The following SLC9A9 variants were observed in gnomAD, a reference collection of about 807,000 sequenced individuals.
SLC9A9 encodes the protein sodium/hydrogen exchanger 9.
SLC9A9 carries 62 observed loss-of-function variants against 77.8 expected under a neutral mutation model. That is an observed-to-expected ratio of 0.80 (90% CI 0.65 to 0.98). The LOEUF (loss-of-function observed/expected upper bound fraction) is 0.98. Ranked by LOEUF, SLC9A9 falls within the 50% of genes least tolerant of loss-of-function variation. SLC9A9 has a pLI of 0.00. For missense variants in SLC9A9, 775 were observed against 774.9 expected (o/e 1.00, Z 0.00); for synonymous variants, 320 against 283.5 (o/e 1.13, Z -1.29).
chr3:143,795,012 G>GGGTATGA lies in SLC9A9; in HGVS notation c.521_522insTCATACC (p.Ile175HisfsTer31). On this transcript the variant is annotated frameshift_variant, in exon 4 of 16. Transcript: ENST00000316549. LOFTEE classifies it high-confidence loss of function. ...CGAATGTCACTTACCCTATGACGAT[G>GGGTATGA]CAGGAGATGGCAGTTCCCAAGAAGG... 6.2e-7 allele frequency: 1 copy of GGGTATGA among 1,613,926 alleles called. No individual in the cohort carries two copies.
At chr3:143,511,980 A>G (rs2036123357) in intron 9 of SLC9A9, among the ~76,000 whole-genome samples, 1 of 152,208 alleles carries the variant, frequency 6.6e-6, no homozygotes, top group African/African-American at 2.4e-5. Flanking sequence ...GAATACTCCA[A>G]AAAAAGGGTA....
At chr3:143,478,909 T>A (rs1434587287) in intron 11 of SLC9A9, among the ~76,000 whole-genome samples, 1 of 152,220 alleles carries the variant, frequency 6.6e-6, no homozygotes, top group African/African-American at 2.4e-5. Context: ...GTGGACATGT[T>A]AATTTGGTTA....
chr3:143,501,650 T>C (rs2035925488), intron 9 of SLC9A9, among the ~76,000 whole-genome samples: 1 of 151,012 alleles, frequency 6.6e-6, no homozygotes, highest in South Asian at 2.1e-4. Context: ...TCACTTATTT[T>C]CAATTGTAGA....
chr3:143,819,396 C>G (rs2009110802), intron 2 of SLC9A9, among the ~76,000 whole-genome samples: 1 of 152,210 alleles, frequency 6.6e-6, no homozygotes, highest in East Asian at 1.9e-4. Context: ...AAAACATCTA[C>G]ATAATTCTAA....
intron 4 of SLC9A9, among the ~76,000 whole-genome samples, chr3:143,746,155 G>A (rs1935192050): frequency 6.6e-6 from 1 of 152,214 alleles, no homozygotes; most frequent in African/African-American, 2.4e-5. Context: ...AAAACAACTG[G>A]AGGCAGAGAA....
intron 6 of SLC9A9, among the ~76,000 whole-genome samples, chr3:143,603,457 C>T (rs549880502): frequency 6.6e-6 from 1 of 152,210 alleles, no homozygotes; most frequent in African/African-American, 2.4e-5. Context: ...TTTTGTTGCT[C>T]TTTCATTCTC....
chr3:143,328,809 A>AG (rs2108452357), intron 14 of SLC9A9, among the ~76,000 whole-genome samples: 1 of 152,320 alleles, frequency 6.6e-6, no homozygotes, highest in Admixed American at 6.5e-5. Flanking sequence ...TATGGACCCC[A>AG]GGGGTTGTAT....
chr3:143,534,372 A>T (rs1270281496), intron 9 of SLC9A9, among the ~76,000 whole-genome samples: 2 of 152,226 alleles, frequency 1.3e-5, no homozygotes, highest in Non-Finnish European at 2.9e-5. Context: ...GGCCTGTACA[A>T]TGTGAATATT....
chr3:143,391,735 C>G (rs2033571202), intron 12 of SLC9A9, among the ~76,000 whole-genome samples: 1 of 152,094 alleles, frequency 6.6e-6, no homozygotes, highest in African/African-American at 2.4e-5. Context: ...ACTAGAATAA[C>G]CAGTGTAGAG....
intron 14 of SLC9A9, among the ~76,000 whole-genome samples, chr3:143,346,190 A>T (rs1179749922): frequency 6.6e-6 from 1 of 152,188 alleles, no homozygotes; most frequent in Non-Finnish European, 1.5e-5. Context: ...CTCTCAGCAT[A>T]AAAAACCTAT....
intron 4 of SLC9A9, among the ~76,000 whole-genome samples, chr3:143,714,846 G>C (rs1221692090): frequency 6.6e-6 from 1 of 152,204 alleles, no homozygotes; most frequent in Non-Finnish European, 1.5e-5. Flanking sequence ...TGGTTCGGCT[G>C]TGTCTCCACC....
chr3:143,786,076 C>A (rs903806262), intron 4 of SLC9A9, among the ~76,000 whole-genome samples: 1 of 151,634 alleles, frequency 6.6e-6, no homozygotes, highest in East Asian at 1.9e-4. Flanking sequence ...AGGATGGTCT[C>A]GATCTCCTGA....
Position 143,832,113 on chromosome 3 carries a change from A to G in SLC9A9, c.284T>C (p.Val95Ala). ...KLTFSPSTLL[V>A]NITDQVYEYK... ...TTCATAAACTTGGTCAGTGATATTA[A>G]CCAGCAGAGTTGATGGACTGAAAGT... The change falls in exon 2 of 16, where the codon GTT becomes GCT. Residue 95 changes from valine (V) to alanine (A), a missense_variant. Physicochemically the swap from Val to Ala is moderately conservative, Grantham distance 64. Transcript: ENST00000316549. 1.2e-6 allele frequency: 2 copies of G among 1,613,226 alleles called. No homozygotes were observed. Among genetic ancestry groups the G allele is most frequent in the Non-Finnish European group, 1.7e-6 (2 of 1,179,538 alleles).
intron 4 of SLC9A9, 137 bp from the exon 5 acceptor site, chr3:143,693,444 G>C: frequency 1.4e-6 from 1 of 728,980 alleles, no homozygotes; most frequent in African/African-American, 1.7e-5. Flanking sequence ...AATGACAGCC[G>C]TGCTAGGTCT....
chr3:143,532,122 C>T (rs746212627), intron 9 of SLC9A9, among the ~76,000 whole-genome samples: 1 of 152,174 alleles, frequency 6.6e-6, no homozygotes, highest in Non-Finnish European at 1.5e-5. Context: ...CTAAATATTT[C>T]TAAAATCCTC....
intron 2 of SLC9A9, among the ~76,000 whole-genome samples, chr3:143,802,237 C>T (rs1164886470): frequency 6.6e-6 from 1 of 152,166 alleles, no homozygotes; most frequent in Non-Finnish European, 1.5e-5. Context: ...ATTGTGTCAT[C>T]ATTTCATAAC....
intron 12 of SLC9A9, among the ~76,000 whole-genome samples, chr3:143,424,853 T>G (rs1220788985): frequency 6.6e-6 from 1 of 152,182 alleles, no homozygotes; most frequent in Non-Finnish European, 1.5e-5. Flanking sequence ...TAGGCCTACG[T>G]TATCTGTGTC....
intron 12 of SLC9A9, among the ~76,000 whole-genome samples, chr3:143,434,424 A>G (rs2034582045): frequency 2.0e-5 from 3 of 152,180 alleles, no homozygotes; most frequent in Non-Finnish European, 2.9e-5. Flanking sequence ...TTTAGATTTC[A>G]TTATGCTGGC....
chr3:143,830,774 TTTA>T (rs1165730630), intron 2 of SLC9A9, among the ~76,000 whole-genome samples: 1 of 152,210 alleles, frequency 6.6e-6, no homozygotes, highest in African/African-American at 2.4e-5. Context: ...AAAGAGATAA[TTTA>T]TTATTATCAT....
Sources: gnomAD v4.1 joint callset for allele counts (sites outside exome capture counted in the v4.1 genomes callset) on GRCh38, gnomAD v4.1.1 for gene constraint, MANE v1.5 for transcripts, NCBI Gene and HGNC (gene_info 2026-07-23, HGNC 2026-07-21) for gene names.